Variants in CRYGS observed in about 807,000 individuals in gnomAD.
CRYGS encodes crystallin gamma S, also known as gamma-crystallin S.
In CRYGS, 13 loss-of-function variants were observed where a neutral mutation model predicts 21.3. The observed-to-expected ratio is 0.61, with a 90% CI of 0.40 to 0.97. The LOEUF is 0.97. CRYGS is among the 50% of genes least tolerant of loss of function. The pLI is 0.00. For synonymous variants in CRYGS, 67 were observed against 75.0 expected (o/e 0.89, Z 0.55); for missense variants, 205 against 229.7 (o/e 0.89, Z 0.69).
intron 1 of CRYGS, 102 bp downstream of exon 1, chr3:186,544,204 C>T: frequency 1.2e-6 from 1 of 824,192 alleles, no homozygotes; most frequent in Non-Finnish European, 2.2e-6. Flanking sequence ...TCTCTAACCA[C>T]TATCATACTC....
At position 186,544,244 on chromosome 3, in the gene CRYGS, T is replaced by C. The variant is rs1714136292; in HGVS notation, c.21+62A>G. On this transcript the variant is annotated intron_variant, in intron 1 of 2. Transcript: ENST00000307944. ...CTAGGCAAAGAAGCAAAAGCTTTTC[T>C]GTGTGTTGAATGCATCATTAGGTGA... 49 of 1,158,596 alleles carry C rather than the reference T, an allele frequency of 4.2e-5. No homozygotes were observed. In the South Asian group the frequency reaches 5.9e-4, roughly 14 times the overall value. 71.8% of individuals were successfully genotyped at this position (1,158,596 alleles called of 1,614,324 possible). A position where few individuals can be genotyped will look rare whatever the true frequency, so the allele number is the denominator to read the frequency against.
At chr3:186,539,933 AC>A in intron 1 of CRYGS, 1 of 288,778 alleles carries the variant, frequency 3.5e-6, no homozygotes, top group East Asian at 8.8e-5. Context: ...TTATATGTCT[AC>A]CCCTCCCACC....
chr3:186,543,565 A>G lies in CRYGS; in HGVS notation c.21+741T>C, dbSNP rs929489420. ...GGCAAAATGTCAACAACTGGAGAAT[A>G]TAAGTGAAAGATATACAAATATTCA... On this transcript the variant is annotated intron_variant, in intron 1 of 2. Coordinates refer to ENST00000307944, the MANE Select transcript of CRYGS (RefSeq NM_017541.4). 5.9e-5 allele frequency among the ~76,000 whole-genome samples: 9 copies of G among 152,250 alleles called. 1 individual carries two copies. The highest frequency in any genetic ancestry group is 2.2e-4 in the African/African-American group (9 of 41,476).
chr3:186,539,653 G>C (rs911723039), intron 1 of CRYGS, 56 bp from the exon 2 acceptor site: 1 of 1,605,598 alleles, frequency 6.2e-7, no homozygotes, highest in African/African-American at 1.3e-5. Flanking sequence ...TTAATTCACA[G>C]ATAAAAATTA....
chr3:186,543,334 G>A (rs1675699613), intron 1 of CRYGS, among the ~76,000 whole-genome samples: 1 of 150,034 alleles, frequency 6.7e-6, no homozygotes, highest in South Asian at 2.1e-4. Flanking sequence ...GGGACAATCA[G>A]GGGAGATTTG....
intron 1 of CRYGS, among the ~76,000 whole-genome samples, chr3:186,541,109 G>A (rs1714054514): frequency 6.6e-6 from 1 of 152,132 alleles, no homozygotes; most frequent in South Asian, 2.1e-4. Context: ...ATGATGATGA[G>A]AAAACAGTAA....
rs188698844 is a variant in CRYGS, at chr3:186,542,591, G to T, written c.21+1715C>A. Among the ~76,000 whole-genome samples, 10 of 152,138 alleles carry T rather than the reference G, an allele frequency of 6.6e-5. No individual in the cohort carries two copies. The East Asian group carries it at 1.9e-3, about 29-fold the overall frequency. ...ATACTTAGTAAAATCTATTCCTTTT[G>T]CCAAGCCCATAACTCCTCTGATTAA... On this transcript the variant is annotated intron_variant, in intron 1 of 2. Transcript: ENST00000307944.
At chr3:186,539,327 A>C (rs756217318) in intron 2 of CRYGS, 28 bp downstream of exon 2, 1 of 1,612,102 alleles carries the variant, frequency 6.2e-7, no homozygotes, top group African/African-American at 1.3e-5. Flanking sequence ...CGTGGGAAAC[A>C]GAGGGAGTAC....
At position 186,544,352 on chromosome 3, in the gene CRYGS, A is replaced by C. The variant is rs1560220075; in HGVS notation, c.-26T>G. The C allele has an allele frequency of 6.4e-7, 1 of 1,561,566 alleles. No homozygotes were observed. Among genetic ancestry groups the C allele is most frequent in the Non-Finnish European group, 8.8e-7 (1 of 1,132,140 alleles). ...TTTTGGTGCATAGACTGGTTTTCCC[A>C]GTGCTGAAAGAAATTCAGGAATGGC... is the stretch of plus-strand genomic sequence containing the variant. On this transcript the variant is annotated 5_prime_UTR_variant, in exon 1 of 3. Transcript: ENST00000307944.
At chr3:186,539,322 G>C (rs1578956486) in intron 2 of CRYGS, 33 bp downstream of exon 2, 1 of 1,611,894 alleles carries the variant, frequency 6.2e-7, no homozygotes, top group Non-Finnish European at 8.5e-7. Flanking sequence ...GAGGGCGTGG[G>C]AAACAGAGGG....
At position 186,538,797 on chromosome 3, in the gene CRYGS, G is replaced by A. The variant is rs915116953; in HGVS notation, c.436C>T (p.Arg146Cys). Residue 146 changes from arginine to cysteine, a missense_variant, in exon 3 of 3, where the codon CGT becomes TGT. Coordinates refer to ENST00000307944, the MANE Select transcript of CRYGS (RefSeq NM_017541.4). ...TTGTCCAGGAGGTACTGCCTGCCACGGTAGTTGGGTAGCTCATAGAAAATC... is the reference window on the plus strand; with the variant it reads ...TTGTCCAGGAGGTACTGCCTGCCACAGTAGTTGGGTAGCTCATAGAAAATC... ...VWIFYELPNYRGRQYLLDKKE... is the reference protein window; with the variant it reads ...VWIFYELPNYCGRQYLLDKKE... 41 of 1,613,972 alleles carry A rather than the reference G, an allele frequency of 2.5e-5. No homozygotes were observed. Among genetic ancestry groups the A allele is most frequent in the East Asian group, 1.1e-4 (5 of 44,882 alleles).
At chr3:186,539,682 T>C (rs1714014227) in intron 1 of CRYGS, 85 bp from the exon 2 acceptor site, 9 of 1,533,154 alleles carry the variant, frequency 5.9e-6, no homozygotes, top group Non-Finnish European at 8.1e-6. Flanking sequence ...ATGCCTACTT[T>C]AGAAATTCCT....
chr3:186,542,205 C>T (rs934354083), intron 1 of CRYGS, among the ~76,000 whole-genome samples: 1 of 152,208 alleles, frequency 6.6e-6, no homozygotes, highest in Non-Finnish European at 1.5e-5. Flanking sequence ...GGAGACCAGC[C>T]AACCATCCAA....
At chr3:186,543,198 A>G (rs1036861545) in intron 1 of CRYGS, among the ~76,000 whole-genome samples, 5 of 152,190 alleles carry the variant, frequency 3.3e-5, no homozygotes, top group Non-Finnish European at 5.9e-5. Flanking sequence ...CAAAAAGGGT[A>G]GAGGGACATT....
chr3:186,539,661 T>A, intron 1 of CRYGS, 64 bp from the exon 2 acceptor site: 1 of 1,598,194 alleles, frequency 6.3e-7, no homozygotes, highest in African/African-American at 1.3e-5. Flanking sequence ...CAGATAAAAA[T>A]TAAGAACATA....
rs562333758 is a variant in CRYGS at position 186,540,988 on chromosome 3, CT to C, written c.22-1392del. On this transcript the variant is annotated intron_variant, in intron 1 of 2. Coordinates refer to ENST00000307944, the MANE Select transcript of CRYGS (RefSeq NM_017541.4). ...TGACACCAGAATCATGCTGGAATCC[CT>C]TTGGTGATTATGAGTGAGTTGGACT... Among the ~76,000 whole-genome samples, 221 of 152,204 alleles carry C rather than the reference CT, an allele frequency of 1.5e-3. 1 individual carries two copies. Among genetic ancestry groups the C allele is most frequent in the African/African-American group, 5.2e-3 (215 of 41,546 alleles).
chr3:186,538,595 G>T lies in CRYGS; in HGVS notation c.*101C>A. The T allele has an allele frequency of 6.9e-7, 1 of 1,442,158 alleles. No homozygotes were observed. The highest frequency in any genetic ancestry group is 1.4e-5 in the African/African-American group (1 of 71,606). The allele number at this position is 1,442,158 out of a possible 1,614,324, so 89.3% of individuals were successfully genotyped here. On this transcript the variant is annotated 3_prime_UTR_variant, in exon 3 of 3. Transcript: ENST00000307944. ...CATTTAAGGAGAGGCATTATAGTCA[G>T]CAGTGGGATGCATGCCAACTGTTTT...
chr3:186,541,857 T>C (rs1407168395), intron 1 of CRYGS, among the ~76,000 whole-genome samples: 1 of 152,212 alleles, frequency 6.6e-6, no homozygotes, highest in Non-Finnish European at 1.5e-5. Context: ...ACTTACTCTC[T>C]TGGACAATGA....
At chr3:186,540,342 C>G (rs1174576059) in intron 1 of CRYGS, 1 of 152,306 alleles carries the variant, frequency 6.6e-6, no homozygotes, top group Non-Finnish European at 1.5e-5. Flanking sequence ...AGAGCTCCCT[C>G]TCTACAATTA....
Sources: gnomAD v4.1 joint callset for allele counts (sites outside exome capture counted in the v4.1 genomes callset) on GRCh38, gnomAD v4.1.1 for gene constraint, MANE v1.5 for transcripts, NCBI Gene and HGNC (gene_info 2026-07-23, HGNC 2026-07-21) for gene names.